Variants in RGL1 observed in about 807,000 individuals in gnomAD.
RGL1 encodes the protein ral guanine nucleotide dissociation stimulator like 1.
In RGL1, 24 loss-of-function variants were observed where a neutral mutation model predicts 95.2. That is an observed-to-expected ratio of 0.25 (90% CI 0.18 to 0.35). The LOEUF (loss-of-function observed/expected upper bound fraction) is 0.35. RGL1 is among the 10% of genes least tolerant of loss of function. The pLI is 1.00. For missense variants in RGL1, 715 were observed against 936.3 expected (o/e 0.76, Z 3.08); for synonymous variants, 329 against 344.9 (o/e 0.95, Z 0.51).
At chr1:183,675,893 C>T (rs781346746) in intron 1 of RGL1, among the ~76,000 whole-genome samples, 53 of 152,278 alleles carry the variant, frequency 3.5e-4, no homozygotes, top group East Asian at 1.5e-3. Context: ...TGCCTGTGAT[C>T]CCAGTGCTTT....
At chr1:183,878,417 C>T (rs879339780) in intron 4 of RGL1, among the ~76,000 whole-genome samples, 6 of 152,052 alleles carry the variant, frequency 3.9e-5, no homozygotes, top group South Asian at 4.2e-4. Context: ...TAGCTGGTCT[C>T]GAACTCCTGG....
intron 2 of RGL1, among the ~76,000 whole-genome samples, chr1:183,809,680 C>T (rs964722250): frequency 2.6e-5 from 4 of 152,194 alleles, no homozygotes; most frequent in Admixed American, 2.0e-4. Flanking sequence ...CACAGTGGCT[C>T]ATTCTTGTAA....
intron 1 of RGL1, among the ~76,000 whole-genome samples, chr1:183,643,953 A>C (rs12044922): frequency 0.069 from 10,426 of 152,168 alleles, 628 homozygotes; most frequent in African/African-American, 0.16. Context: ...GTTTGGCATG[A>C]GGTCCTGGGC....
At chr1:183,886,036 G>T (rs1007560294) in intron 7 of RGL1, among the ~76,000 whole-genome samples, 1 of 151,772 alleles carries the variant, frequency 6.6e-6, no homozygotes, top group Non-Finnish European at 1.5e-5. Flanking sequence ...ATTAATTTGT[G>T]TTCTGGGCTC....
At chr1:183,926,084 A>T (rs1669598812) in intron 17 of RGL1, 21 bp from the exon 18 acceptor site, 2 of 1,606,216 alleles carry the variant, frequency 1.2e-6, no homozygotes, top group Admixed American at 1.7e-5. Flanking sequence ...TGACCATCTT[A>T]TCTTTCCTTA....
rs932504728 is a variant in RGL1, at chr1:183,636,121, A to G, written c.-413A>G. ...TCTAGGGGGTCTCAGATTGGCGGGG[A>G]TGGGCAGCAGCGGCAGGTGGCCTTG... is the stretch of plus-strand genomic sequence containing the variant. On this transcript the variant is annotated 5_prime_UTR_variant, in exon 1 of 19. Transcript: ENST00000304685. 1.3e-4 allele frequency: 53 copies of G among 398,850 alleles called. 1 individual carries two copies. The highest frequency in any genetic ancestry group is 2.1e-4 in the Non-Finnish European group (48 of 226,312). The allele number at this position is 398,850 out of a possible 1,614,324, so 24.7% of individuals were successfully genotyped here.
intron 1 of RGL1, among the ~76,000 whole-genome samples, chr1:183,690,697 A>T (rs1286670609): frequency 1.3e-5 from 2 of 151,528 alleles, no homozygotes; most frequent in Non-Finnish European, 2.9e-5. Context: ...AATAATTTTT[A>T]AAAATTGTTA....
intron 2 of RGL1, among the ~76,000 whole-genome samples, chr1:183,769,839 ACAT>A (rs1659187736): frequency 1.3e-5 from 2 of 152,218 alleles, no homozygotes; most frequent in African/African-American, 4.8e-5. Flanking sequence ...GCACCATAAA[ACAT>A]CATGTATTAA....
At chr1:183,862,317 G>C (rs1665560883) in intron 3 of RGL1, among the ~76,000 whole-genome samples, 1 of 152,104 alleles carries the variant, frequency 6.6e-6, no homozygotes, top group African/African-American at 2.4e-5. Context: ...AGCCATGACT[G>C]TGCCACTGCA....
chr1:183,822,938 GTCC>G (rs1380979620), intron 2 of RGL1, among the ~76,000 whole-genome samples: 2 of 152,116 alleles, frequency 1.3e-5, no homozygotes, highest in African/African-American at 4.8e-5. Context: ...GGTCTAAAAT[GTCC>G]TCCTTTCCTT....
At position 183,783,084 on chromosome 1, in the gene RGL1, A is replaced by G. The variant is rs542307859; in HGVS notation, c.133-23291A>G. ...CCCAGGATCCTTGAGTTTCCTATCAATGAGGAAAGCTGCTGCTTATTTGTG... is the reference window on the plus strand; with the variant it reads ...CCCAGGATCCTTGAGTTTCCTATCAGTGAGGAAAGCTGCTGCTTATTTGTG... On this transcript the variant is annotated intron_variant, in intron 2 of 18. Transcript: ENST00000304685. 2.6e-5 allele frequency among the ~76,000 whole-genome samples: 4 copies of G among 152,250 alleles called. No individual in the cohort carries two copies. The East Asian group carries it at 5.8e-4, about 22-fold the overall frequency.
At chr1:183,795,884 C>T (rs952918466) in intron 2 of RGL1, among the ~76,000 whole-genome samples, 5 of 152,060 alleles carry the variant, frequency 3.3e-5, no homozygotes, top group African/African-American at 9.7e-5. Context: ...TATATTATGA[C>T]GTTTGGCTTC....
At chr1:183,781,410 T>C (rs1025964898) in intron 2 of RGL1, among the ~76,000 whole-genome samples, 2 of 152,158 alleles carry the variant, frequency 1.3e-5, no homozygotes, top group Non-Finnish European at 1.5e-5. Context: ...AAACACTAAC[T>C]TAGAAACCCA....
intron 1 of RGL1, among the ~76,000 whole-genome samples, chr1:183,713,129 G>A (rs961744383): frequency 1.3e-5 from 2 of 152,056 alleles, no homozygotes; most frequent in Non-Finnish European, 2.9e-5. Flanking sequence ...AGGTTCACGT[G>A]ATTCTCCTGC....
intron 4 of RGL1, among the ~76,000 whole-genome samples, chr1:183,868,754 A>T (rs1665985618): frequency 1.3e-5 from 2 of 152,268 alleles, no homozygotes; most frequent in Middle Eastern, 3.4e-3. Context: ...ATATTTTGGA[A>T]CTCAGTCCAA....
intron 2 of RGL1, among the ~76,000 whole-genome samples, chr1:183,846,396 G>A (rs1461399397): frequency 2.0e-5 from 3 of 151,878 alleles, no homozygotes; most frequent in Non-Finnish European, 4.4e-5. Flanking sequence ...CCTGTCGGGG[G>A]TGGGGTGACA....
intron 1 of RGL1, among the ~76,000 whole-genome samples, chr1:183,674,423 T>G (rs1652683162): frequency 6.6e-6 from 1 of 152,188 alleles, no homozygotes; most frequent in African/African-American, 2.4e-5. Flanking sequence ...GCCATCTTCC[T>G]GTGTATCAAA....
rs142077326 is a variant in RGL1 at position 183,853,232 on chromosome 1, G to A, written c.347+5458G>A. 8.9e-4 allele frequency among the ~76,000 whole-genome samples: 136 copies of A among 152,260 alleles called. 1 individual carries two copies. The highest frequency in any genetic ancestry group is 3.1e-3 in the African/African-American group (130 of 41,554). On this transcript the variant is annotated intron_variant, in intron 3 of 17. Transcript: ENST00000360851. ...ATGCCTGTAGCCCTAGGGAGGGTGA[G>A]GCAGGAGGATAACTTGAGCCTGGGA...
At chr1:183,811,112 A>G (rs533262091) in intron 2 of RGL1, among the ~76,000 whole-genome samples, 2 of 152,348 alleles carry the variant, frequency 1.3e-5, no homozygotes, top group South Asian at 4.1e-4. Flanking sequence ...GTTCACTTAC[A>G]AAGAAGAAGA....
Sources: gnomAD v4.1 joint callset for allele counts (sites outside exome capture counted in the v4.1 genomes callset) on GRCh38, gnomAD v4.1.1 for gene constraint, MANE v1.5 for transcripts, NCBI Gene and HGNC (gene_info 2026-07-23, HGNC 2026-07-21) for gene names.